Variants in SHLD1 observed in about 807,000 individuals in gnomAD.
SHLD1 encodes the protein shieldin complex subunit 1, also known as RINN1-REV7-interacting novel NHEJ regulator 3.
Under a neutral mutation model 5.5 loss-of-function variants are expected in SHLD1, and 3 were observed. The ratio of observed to expected loss-of-function variants is 0.54; its 90% CI spans 0.25 to 1.40. The LOEUF (loss-of-function observed/expected upper bound fraction) is 1.40. SHLD1 is among the 40% of genes most tolerant of loss of function. SHLD1 has a pLI of 0.15. For synonymous variants in SHLD1, 92 were observed against 94.3 expected, an observed-to-expected ratio of 0.98 and a Z score of 0.14; for missense variants, 210 against 244.4, an observed-to-expected ratio of 0.86 and a Z score of 0.94.
intron 2 of SHLD1, among the ~76,000 whole-genome samples, chr20:5,815,786 T>C (rs567741642): frequency 6.6e-6 from 1 of 152,146 alleles, no homozygotes; most frequent in Admixed American, 6.5e-5. Context: ...TGTTTTTATA[T>C]AAAAGAAATG....
intron 2 of SHLD1, among the ~76,000 whole-genome samples, chr20:5,838,581 C>T (rs549777090): frequency 1.3e-4 from 20 of 152,224 alleles, no homozygotes; most frequent in African/African-American, 4.8e-4. Context: ...ACCAACATGG[C>T]AAAACCCCAT....
At chr20:5,834,416 T>C (rs2185867) in intron 2 of SHLD1, among the ~76,000 whole-genome samples, 49,520 of 152,014 alleles carry the variant, frequency 0.33, 8,310 homozygotes, top group East Asian at 0.5. Context: ...TACAAACTCA[T>C]CCAGCTGGGT....
intron 2 of SHLD1, among the ~76,000 whole-genome samples, chr20:5,859,224 G>A (rs1424185932): frequency 1.3e-5 from 2 of 152,130 alleles, no homozygotes; most frequent in East Asian, 1.9e-4. Flanking sequence ...ACAGTGCAGC[G>A]GGAGTCAACA....
chr20:5,804,372 C>T (rs2087344713), intron 2 of SHLD1, among the ~76,000 whole-genome samples: 1 of 149,138 alleles, frequency 6.7e-6, no homozygotes, highest in Non-Finnish European at 1.5e-5. Context: ...TATACAGTTA[C>T]TGTAAGACAT....
chr20:5,774,944 T>A lies in SHLD1; in HGVS notation c.178+1901T>A, dbSNP rs1252656996. On this transcript the variant is annotated intron_variant, in intron 2 of 2. Coordinates refer to ENST00000303142, the MANE Select transcript of SHLD1 (RefSeq NM_152504.4). ...CCATCCTGCTGCCTCTACATGACTT[T>A]CCATCCCTAAAACTGATTTTGTTCA... 2.6e-5 allele frequency among the ~76,000 whole-genome samples: 4 copies of A among 152,354 alleles called. No homozygotes were observed. In the East Asian group the frequency reaches 7.7e-4, roughly 29 times the overall value.
chr20:5,812,080 C>CTTTTTTTTTTTTTTTTT, intron 2 of SHLD1, among the ~76,000 whole-genome samples: 6 of 136,768 alleles, frequency 4.4e-5, no homozygotes, highest in African/African-American at 1.6e-4. Flanking sequence ...TTTTTTTTTT[C>CTTTTTTTTTTTTTTTTT]TTTTTTTTTC....
intron 2 of SHLD1, among the ~76,000 whole-genome samples, chr20:5,856,562 TA>T (rs2088088425): frequency 6.6e-6 from 1 of 152,312 alleles, no homozygotes; most frequent in South Asian, 2.1e-4. Context: ...CCTCATATAC[TA>T]AAAATGATAG....
At chr20:5,830,823 C>T (rs1265877913) in intron 2 of SHLD1, among the ~76,000 whole-genome samples, 1 of 151,754 alleles carries the variant, frequency 6.6e-6, no homozygotes, top group Non-Finnish European at 1.5e-5. Flanking sequence ...GCTGATTATA[C>T]TGGGTATATT....
intron 2 of SHLD1, among the ~76,000 whole-genome samples, chr20:5,803,305 G>T (rs1368286071): frequency 6.6e-6 from 1 of 152,148 alleles, no homozygotes; most frequent in African/African-American, 2.4e-5. Flanking sequence ...TGGGACTTGA[G>T]ATGAGTACCA....
rs932011116 is a variant in SHLD1 at position 5,840,552 on chromosome 20, A to G, written c.179-22472A>G. ...TGTAGTGATAGCGTCCTGATTTAAC[A>G]GTCAGCTTTTTTATTGGGAAGCTTC... On this transcript the variant is annotated intron_variant, in intron 2 of 2. Coordinates refer to ENST00000303142, the MANE Select transcript of SHLD1 (RefSeq NM_152504.4). Among the ~76,000 whole-genome samples the G allele has an allele frequency of 1.2e-4, 19 of 152,220 alleles. 1 individual carries two copies. Among genetic ancestry groups the G allele is most frequent in the Non-Finnish European group, 4.4e-5 (3 of 68,044 alleles).
At chr20:5,835,556 C>G (rs1325235621) in intron 2 of SHLD1, among the ~76,000 whole-genome samples, 3 of 152,096 alleles carry the variant, frequency 2.0e-5, no homozygotes, top group Admixed American at 6.6e-5. Flanking sequence ...CACAGCGTCC[C>G]CAGGGAGCAC....
chr20:5,756,685 CTTTCTTTTTT>C lies in SHLD1; in HGVS notation c.-5+6210_-5+6219del. The C allele has an allele frequency of 2.7e-5, 4 of 146,694 alleles. No homozygotes were observed. The South Asian group carries it at 3.7e-4, about 14-fold the overall frequency. 9.1% of individuals were successfully genotyped at this position (146,694 alleles called of 1,614,324 possible). On this transcript the variant is annotated intron_variant, in intron 1 of 2. Transcript: ENST00000303142. ...CTTAGGATTTTCATTTTCTTTCTTT[CTTTCTTTTTT>C]TTTTTTTTTTTTTGAGATGGAGTCT...
chr20:5,776,684 AC>A (rs1368152062), intron 2 of SHLD1, among the ~76,000 whole-genome samples: 1 of 151,964 alleles, frequency 6.6e-6, no homozygotes, highest in Non-Finnish European at 1.5e-5. Flanking sequence ...AATCACTTGA[AC>A]CCAGGAGGTG....
intron 2 of SHLD1, among the ~76,000 whole-genome samples, chr20:5,775,583 T>TG (rs200494411): frequency 0.016 from 2,443 of 152,306 alleles, 66 homozygotes; most frequent in African/African-American, 0.055. Flanking sequence ...AAAGGTTGTT[T>TG]GGGGAACCCA....
intron 2 of SHLD1, among the ~76,000 whole-genome samples, chr20:5,842,167 G>C (rs1986004): frequency 0.043 from 6,612 of 152,272 alleles, 214 homozygotes; most frequent in Non-Finnish European, 0.07. Flanking sequence ...TTGGAATACT[G>C]TTTCAAGGAT....
At chr20:5,802,551 A>G (rs2087309132) in intron 2 of SHLD1, among the ~76,000 whole-genome samples, 1 of 152,140 alleles carries the variant, frequency 6.6e-6, no homozygotes, top group South Asian at 2.1e-4. Flanking sequence ...TAAGTGTCTG[A>G]TCCATGTTAG....
chr20:5,793,902 GT>G (rs2087175847), intron 2 of SHLD1, among the ~76,000 whole-genome samples: 2 of 152,008 alleles, frequency 1.3e-5, no homozygotes, highest in Admixed American at 1.3e-4. Flanking sequence ...TAGAGACAGG[GT>G]TTCACCATGT....
At chr20:5,764,158 T>TTATATATATATATATATTTTTA (rs1984667038) in intron 1 of SHLD1, among the ~76,000 whole-genome samples, 1 of 72,048 alleles carries the variant, frequency 1.4e-5, no homozygotes, top group African/African-American at 5.2e-5. Context: ...ATATTTATAT[T>TTATATATATATATATATTTTTA]TATATATATA....
intron 1 of SHLD1, among the ~76,000 whole-genome samples, chr20:5,768,043 C>T (rs904562602): frequency 2.1e-4 from 30 of 145,276 alleles, no homozygotes; most frequent in African/African-American, 6.9e-4. Flanking sequence ...GGTGTGATCT[C>T]GGCTCACTGC....
Sources: allele counts gnomAD v4.1 joint callset (sites outside exome capture counted in the v4.1 genomes callset), GRCh38; gene constraint gnomAD v4.1.1; transcripts MANE v1.5; gene names NCBI Gene and HGNC (gene_info 2026-07-23, HGNC 2026-07-21).